SLC25A12: variants seen among roughly 807,000 people sequenced by gnomAD.
SLC25A12 encodes electrogenic aspartate/glutamate antiporter SLC25A12, mitochondrial.
Under a neutral mutation model 83.3 loss-of-function variants are expected in SLC25A12, and 32 were observed. The observed-to-expected ratio is 0.38, with a 90% CI of 0.29 to 0.52. SLC25A12 has a LOEUF of 0.52. SLC25A12 is among the 20% of genes least tolerant of loss of function. The pLI is 0.84. For missense variants in SLC25A12, 611 were observed against 835.6 expected (o/e 0.73, Z 3.31); for synonymous variants, 267 against 291.1 (o/e 0.92, Z 0.84).
intron 8 of SLC25A12, among the ~76,000 whole-genome samples, chr2:171,830,292 T>C (rs1684403117): frequency 1.3e-5 from 2 of 152,222 alleles, no homozygotes; most frequent in Non-Finnish European, 2.9e-5. Flanking sequence ...TTTTCAATTA[T>C]GTTTAACGTT....
chr2:171,822,866 T>G (rs1027441239), intron 9 of SLC25A12, among the ~76,000 whole-genome samples: 2 of 152,210 alleles, frequency 1.3e-5, no homozygotes, highest in Non-Finnish European at 2.9e-5. Context: ...ATATCCTTCT[T>G]CCTATTTTAT....
intron 4 of SLC25A12, among the ~76,000 whole-genome samples, chr2:171,854,381 A>G (rs554526488): frequency 6.6e-6 from 1 of 152,286 alleles, no homozygotes; most frequent in South Asian, 2.1e-4. Context: ...AGCCTGGCCA[A>G]CATGGTAAAA....
intron 13 of SLC25A12, among the ~76,000 whole-genome samples, chr2:171,804,175 G>T (rs1388217861): frequency 6.6e-6 from 1 of 152,156 alleles, no homozygotes; most frequent in Non-Finnish European, 1.5e-5. Context: ...CTACAACACA[G>T]ATGAACCTTG....
intron 15 of SLC25A12, chr2:171,789,088 G>A (rs892865169): frequency 2.0e-5 from 3 of 152,304 alleles, no homozygotes; most frequent in African/African-American, 7.2e-5. Context: ...ACAAGGAAAA[G>A]CCTGGAAGGC....
rs183404223 is a variant in SLC25A12, at chr2:171,806,320, T to A, written c.1305+3286A>T. Among the ~76,000 whole-genome samples the A allele has an allele frequency of 3.1e-3, 467 of 152,260 alleles. 1 individual carries two copies. Among genetic ancestry groups the A allele is most frequent in the Non-Finnish European group, 4.9e-3 (333 of 68,012 alleles). The stretch of plus-strand genomic sequence containing the variant: ...AAAATACAAAATTAGCCGGGTGCAG[T>A]GGCACATGCCTGTAATCTCAGCTAC... On this transcript the variant is annotated intron_variant, in intron 13 of 17. Coordinates refer to ENST00000422440, the MANE Select transcript of SLC25A12 (RefSeq NM_003705.5).
chr2:171,838,713 T>C (rs950247769), intron 5 of SLC25A12, among the ~76,000 whole-genome samples: 2 of 152,166 alleles, frequency 1.3e-5, no homozygotes, highest in African/African-American at 2.4e-5. Context: ...AGGTCAACAG[T>C]TAAAGGACTC....
chr2:171,808,238 TAAGTA>T (rs1683876383), intron 13 of SLC25A12, among the ~76,000 whole-genome samples: 1 of 148,498 alleles, frequency 6.7e-6, no homozygotes, highest in Non-Finnish European at 1.5e-5. Context: ...CTTTGTGCGC[TAAGTA>T]AATATCTGAG....
intron 3 of SLC25A12, among the ~76,000 whole-genome samples, chr2:171,862,628 C>T (rs543884098): frequency 2.6e-4 from 40 of 152,276 alleles, no homozygotes; most frequent in African/African-American, 9.4e-4. Context: ...TCAACCACTC[C>T]TAGACCAATT....
intron 2 of SLC25A12, among the ~76,000 whole-genome samples, chr2:171,879,063 T>C (rs1211597473): frequency 6.6e-6 from 1 of 152,216 alleles, no homozygotes; most frequent in African/African-American, 2.4e-5. Flanking sequence ...AATAATACTT[T>C]ATAAGAAAAA....
chr2:171,815,262 C>T lies in SLC25A12; in HGVS notation c.931-60G>A, dbSNP rs1434406143. On this transcript the variant is annotated intron_variant, in intron 9 of 17. Transcript: ENST00000422440. ...AAAGCGCACACAGCAAGTGAAAAAG[C>T]TACAATTTGACTATTTTAAGACAAG... 2.6e-6 allele frequency: 3 copies of T among 1,158,478 alleles called. No individual in the cohort carries two copies. In the African/African-American group the frequency reaches 4.5e-5, roughly 18 times the overall value. The allele number at this position is 1,158,478 out of a possible 1,614,324, so 71.8% of individuals were successfully genotyped here.
At chr2:171,894,136 G>A in intron 1 of SLC25A12, 67 bp downstream of exon 1, 3 of 1,570,332 alleles carry the variant, frequency 1.9e-6, no homozygotes, top group East Asian at 4.7e-5. Context: ...AAGCAGTGGG[G>A]GGCTGCAGGC....
chr2:171,891,223 C>A (rs535903930), intron 2 of SLC25A12, among the ~76,000 whole-genome samples: 1 of 152,110 alleles, frequency 6.6e-6, no homozygotes, highest in African/African-American at 2.4e-5. Flanking sequence ...TGCTTGAACC[C>A]CGGAGGCAGA....
intron 2 of SLC25A12, among the ~76,000 whole-genome samples, chr2:171,875,927 A>AAAG (rs1553476997): frequency 2.0e-5 from 3 of 149,900 alleles, no homozygotes; most frequent in Non-Finnish European, 3.0e-5. Context: ...AAAAAAAAAA[A>AAAG]AAAGAAACCT....
intron 17 of SLC25A12, 72 bp from the exon 18 acceptor site, chr2:171,785,547 C>T (rs12692973): frequency 0.27 from 381,595 of 1,393,054 alleles, 52,955 homozygotes; most frequent in African/African-American, 0.37. Flanking sequence ...TGGACATTTT[C>T]GGTCTGACCC....
At chr2:171,864,551 A>C (rs769811739) in intron 3 of SLC25A12, among the ~76,000 whole-genome samples, 7 of 152,174 alleles carry the variant, frequency 4.6e-5, no homozygotes, top group Admixed American at 4.6e-4. Context: ...AGCCACATCA[A>C]AGTACTTGCA....
At chr2:171,819,985 C>T (rs572307091) in intron 9 of SLC25A12, among the ~76,000 whole-genome samples, 56 of 152,100 alleles carry the variant, frequency 3.7e-4, no homozygotes, top group Non-Finnish European at 7.2e-4. Flanking sequence ...AGCCAAATAC[C>T]GTATGTTCTC....
At chr2:171,874,960 CCCTTTTCTCCA>C (rs1194210682) in intron 2 of SLC25A12, among the ~76,000 whole-genome samples, 1 of 152,196 alleles carries the variant, frequency 6.6e-6, no homozygotes, top group Non-Finnish European at 1.5e-5. Flanking sequence ...TTCGCAAACC[CCCTTTTCTCCA>C]CGGCAGATGG....
intron 2 of SLC25A12, among the ~76,000 whole-genome samples, chr2:171,879,862 G>T (rs1685653368): frequency 6.6e-6 from 1 of 152,146 alleles, no homozygotes; most frequent in Admixed American, 6.5e-5. Context: ...AGTATTAAAA[G>T]ATCTAAGAAA....
At chr2:171,868,996 A>G (rs1226705957) in intron 2 of SLC25A12, among the ~76,000 whole-genome samples, 173 bp from the exon 3 acceptor site, 5 of 152,248 alleles carry the variant, frequency 3.3e-5, no homozygotes, top group Admixed American at 6.5e-5. Context: ...GCCTGATTTA[A>G]AAACATTTTA....
Sources: allele counts gnomAD v4.1 joint callset (sites outside exome capture counted in the v4.1 genomes callset), GRCh38; gene constraint gnomAD v4.1.1; transcripts MANE v1.5; gene names NCBI Gene and HGNC (gene_info 2026-07-23, HGNC 2026-07-21).